The following EML6 variants were observed in gnomAD, a reference collection of about 807,000 sequenced individuals.
The protein encoded by EML6 is echinoderm microtubule-associated protein-like 6.
EML6 carries 154 observed loss-of-function variants against 240.1 expected under a neutral mutation model. The observed-to-expected ratio is 0.64, with a 90% CI of 0.56 to 0.73. The LOEUF is 0.73. Ranked by LOEUF, EML6 falls within the 30% of genes least tolerant of loss-of-function variation. EML6 has a pLI of 0.00. For missense variants in EML6, 2,964 were observed against 2,474.6 expected (o/e 1.20, Z -4.20); for synonymous variants, 1,148 against 899.0 (o/e 1.28, Z -4.95).
intron 17 of EML6, among the ~76,000 whole-genome samples, chr2:54,887,370 T>G (rs891950543): frequency 1.3e-5 from 2 of 152,258 alleles, no homozygotes; most frequent in African/African-American, 4.8e-5. Context: ...ACCATTTGGT[T>G]TCTCTGAAAT....
intron 28 of EML6, among the ~76,000 whole-genome samples, chr2:54,934,403 C>T (rs1366962141): frequency 1.3e-5 from 2 of 152,064 alleles, no homozygotes; most frequent in Non-Finnish European, 2.9e-5. Context: ...CATAAGCTGT[C>T]ACTTTGCTTG....
intron 23 of EML6, 47 bp from the exon 24 acceptor site, chr2:54,903,324 T>G: frequency 6.5e-7 from 1 of 1,537,986 alleles, no homozygotes; most frequent in Non-Finnish European, 8.8e-7. Flanking sequence ...TGGAAGTAAA[T>G]TCCTATATAA....
intron 39 of EML6, 63 bp downstream of exon 39, chr2:54,967,166 G>A: frequency 1.8e-6 from 2 of 1,092,308 alleles, no homozygotes; most frequent in Non-Finnish European, 2.7e-6. Context: ...TCTCACTCAG[G>A]CTCAGCCTCC....
At chr2:54,951,167 C>T (rs963114723) in intron 30 of EML6, among the ~76,000 whole-genome samples, 2 of 152,116 alleles carry the variant, frequency 1.3e-5, no homozygotes, top group Admixed American at 6.5e-5. Context: ...TTTTTAACAG[C>T]TCAGATTTTT....
At chr2:54,856,023 A>G (rs1369498974) in intron 11 of EML6, among the ~76,000 whole-genome samples, 2 of 152,082 alleles carry the variant, frequency 1.3e-5, no homozygotes, top group East Asian at 3.8e-4. Context: ...ATTTTTAAAA[A>G]CTCACAACCA....
intron 11 of EML6, among the ~76,000 whole-genome samples, chr2:54,858,752 G>T (rs1573015262): frequency 6.6e-6 from 1 of 152,198 alleles, no homozygotes; most frequent in African/African-American, 2.4e-5. Context: ...TGCCTCTCCA[G>T]TGGACATTTG....
chr2:54,928,546 G>C (rs368192263), intron 27 of EML6, 32 bp downstream of exon 27: 1 of 1,548,282 alleles, frequency 6.5e-7, no homozygotes, highest in Non-Finnish European at 8.7e-7. Flanking sequence ...TGCCTCCTGC[G>C]CCGAATGCAC....
rs559736861 is a variant in EML6, at chr2:54,892,474, A to G, written c.2560A>G (p.Arg854Gly). ...QQAGGGFTSK[R>G]GTFGSVGKLE... ...TCTAGGTGGGGGCTTCACTTCTAAA[A>G]GAGGAACTTTTGGAAGCGTTGGAAA... Residue 854 changes from arginine (R) to glycine (G), a missense_variant, in exon 19 of 42, where the codon AGA becomes GGA. Transcript: ENST00000356458. 2 of 1,551,352 alleles carry G rather than the reference A, an allele frequency of 1.3e-6. No individual in the cohort carries two copies. The highest frequency in any genetic ancestry group is 2.4e-5 in the South Asian group (2 of 84,060).
At chr2:54,813,604 C>T (rs559374824) in intron 3 of EML6, among the ~76,000 whole-genome samples, 1 of 152,242 alleles carries the variant, frequency 6.6e-6, no homozygotes, top group East Asian at 1.9e-4. Flanking sequence ...CTAGTCCCAC[C>T]ATCTGGTTAA....
At chr2:54,726,998 G>A (rs1682935889) in intron 2 of EML6, among the ~76,000 whole-genome samples, 1 of 152,282 alleles carries the variant, frequency 6.6e-6, no homozygotes, top group South Asian at 2.1e-4. Flanking sequence ...AAAACCAAAT[G>A]CACTGTTGAA....
chr2:54,928,304 G>A lies in EML6; in HGVS notation c.3676-9G>A, dbSNP rs1367117905. The A allele has an allele frequency of 2.2e-5, 34 of 1,551,242 alleles. No homozygotes were observed. In the Middle Eastern group the frequency reaches 5.0e-4, roughly 23 times the overall value. On this transcript the variant is annotated splice_polypyrimidine_tract_variant and intron_variant, in intron 26 of 41. Coordinates refer to ENST00000356458, the MANE Select transcript of EML6 (RefSeq NM_001039753.4). ...TGGCTGGGGTAATAACCAATTTCGG[G>A]CTTTACAGGGACAGCACGCAAGATT...
chr2:54,844,793 C>G (rs1017240020), intron 8 of EML6, among the ~76,000 whole-genome samples: 1 of 152,196 alleles, frequency 6.6e-6, no homozygotes, highest in African/African-American at 2.4e-5. Flanking sequence ...AGCTTTCTTG[C>G]TGTGGATCAT....
chr2:54,726,967 T>A (rs13419761), intron 2 of EML6, among the ~76,000 whole-genome samples: 42,502 of 152,070 alleles, frequency 0.28, 6,938 homozygotes, highest in African/African-American at 0.47. Flanking sequence ...TAATCCTAAT[T>A]TTTTCTCTGA....
At chr2:54,887,905 A>T (rs1272092698) in intron 17 of EML6, among the ~76,000 whole-genome samples, 1 of 152,176 alleles carries the variant, frequency 6.6e-6, no homozygotes, top group Non-Finnish European at 1.5e-5. Context: ...TCATGAACCT[A>T]CCTTGACATA....
chr2:54,871,015 AC>A (rs1235613321), intron 15 of EML6, among the ~76,000 whole-genome samples: 1 of 152,170 alleles, frequency 6.6e-6, no homozygotes, highest in Admixed American at 6.5e-5. Flanking sequence ...AATCCACCTT[AC>A]TGAAAGATAG....
In EML6 at chr2:54,940,522, T is replaced by C. The variant is rs546047709; in HGVS notation, c.4005-8360T>C. Among the ~76,000 whole-genome samples the C allele has an allele frequency of 3.3e-5, 5 of 152,330 alleles. No individual in the cohort carries two copies. In the South Asian group the frequency reaches 8.3e-4, roughly 25 times the overall value. ...TCCCCAGTGGCTGGTACTGTACCTA[T>C]CATGGGACCACTGTGTGTCTAACGT... On this transcript the variant is annotated intron_variant, in intron 28 of 41. Coordinates refer to ENST00000356458, the MANE Select transcript of EML6 (RefSeq NM_001039753.4).
intron 7 of EML6, among the ~76,000 whole-genome samples, chr2:54,837,843 GCT>G (rs755406402): frequency 2.0e-5 from 3 of 152,190 alleles, no homozygotes; most frequent in Non-Finnish European, 4.4e-5. Context: ...TCTTTTAAAT[GCT>G]CTCTCTGTAG....
chr2:54,950,801 C>T, intron 30 of EML6, 22 bp downstream of exon 30: 2 of 1,543,328 alleles, frequency 1.3e-6, no homozygotes, highest in Non-Finnish European at 1.7e-6. Flanking sequence ...TTAAAAAATA[C>T]AGGTTTTTCT....
rs977998463 is a variant in EML6, at chr2:54,724,054, C to G, written c.-514+277C>G. Among the ~76,000 whole-genome samples, 1 of 152,210 alleles carries G rather than the reference C, an allele frequency of 6.6e-6. No individual in the cohort carries two copies. Among genetic ancestry groups the G allele is most frequent in the Non-Finnish European group, 1.5e-5 (1 of 68,022 alleles). On this transcript the variant is annotated intron_variant, in intron 1 of 41. Coordinates refer to ENST00000356458, the MANE Select transcript of EML6 (RefSeq NM_001039753.4). This position sits in a 1 kb window ranked among gnomAD's most constrained non-coding sequence, Gnocchi z 5.2. Reference sequence around the variant, plus strand: ...GCAGAGGTTTCTGGGGAGAAGTACACGATTTTTGCCACTTGTTATTTGATT... The same window carrying G: ...GCAGAGGTTTCTGGGGAGAAGTACAGGATTTTTGCCACTTGTTATTTGATT...
Sources: allele counts gnomAD v4.1 joint callset (sites outside exome capture counted in the v4.1 genomes callset), GRCh38; gene constraint gnomAD v4.1.1; non-coding constraint Gnocchi (gnomAD v3.1); transcripts MANE v1.5; gene names NCBI Gene and HGNC (gene_info 2026-07-23, HGNC 2026-07-21).